ESR1: variants seen among roughly 807,000 people sequenced by gnomAD.
ESR1 encodes the protein estrogen receptor 1, also known as estrogen receptor.
Under a neutral mutation model 52.7 loss-of-function variants are expected in ESR1, and 12 were observed. The observed-to-expected ratio is 0.23, with a 90% confidence interval of 0.15 to 0.37. ESR1 has a LOEUF of 0.37. Among genes scored for constraint, ESR1 ranks in the 10% least tolerant of loss-of-function variants. ESR1 has a pLI of 1.00. For synonymous variants in ESR1, 305 were observed against 316.8 expected (o/e 0.96, Z 0.39); for missense variants, 584 against 779.7 (o/e 0.75, Z 2.99).
rs897409261 is a variant in ESR1 at position 152,101,751 on chromosome 6, C to T, written c.*2785C>T. The T allele has an allele frequency of 3.0e-5, 7 of 230,304 alleles. No individual in the cohort carries two copies. The highest frequency in any genetic ancestry group is 5.2e-5 in the Non-Finnish European group (6 of 116,356). The allele number at this position is 230,304 out of a possible 1,614,324, so 14.3% of individuals were successfully genotyped here. A position where few individuals can be genotyped will look rare whatever the true frequency, so the allele number is the denominator to read the frequency against. Reference sequence around the variant, plus strand: ...CTCAGGTATGGTGGGGAAGTGGATTCAGGAATCTGGGGAATGGCAAATATA... The same window carrying T: ...CTCAGGTATGGTGGGGAAGTGGATTTAGGAATCTGGGGAATGGCAAATATA... On this transcript the variant is annotated 3_prime_UTR_variant, in exon 8 of 8. Coordinates refer to ENST00000206249, the MANE Select transcript of ESR1 (RefSeq NM_000125.4).
chr6:151,906,499 A>G (rs1053786307), intron 3 of ESR1, among the ~76,000 whole-genome samples: 3 of 151,830 alleles, frequency 2.0e-5, no homozygotes, highest in South Asian at 2.1e-4. Context: ...ATTATTAAAA[A>G]ATAGTTGCCT....
At chr6:152,124,572 C>G (rs1432188267) in intron 6 of ESR1, among the ~76,000 whole-genome samples, 2 of 152,116 alleles carry the variant, frequency 1.3e-5, no homozygotes, top group African/African-American at 2.4e-5. Context: ...TTTTTGTCTT[C>G]TACTGATTTG....
intron 4 of ESR1, among the ~76,000 whole-genome samples, chr6:151,958,907 T>C (rs1341183295): frequency 1.3e-5 from 2 of 152,050 alleles, no homozygotes; most frequent in Non-Finnish European, 2.9e-5. Flanking sequence ...TTGCCCCTCT[T>C]TGGGATTCAA....
intron 4 of ESR1, among the ~76,000 whole-genome samples, chr6:152,001,303 G>A (rs1383604747): frequency 6.6e-6 from 1 of 151,974 alleles, no homozygotes; most frequent in Non-Finnish European, 1.5e-5. Context: ...CTCATGCTGT[G>A]TCATAACACA....
chr6:151,816,744 A>G (rs1248916481), intron 1 of ESR1, among the ~76,000 whole-genome samples: 2 of 151,988 alleles, frequency 1.3e-5, no homozygotes, highest in Non-Finnish European at 2.9e-5. Context: ...AAACAACTGT[A>G]AAAAAAACTT....
At chr6:151,711,367 G>A (rs1481783543) in intron 2 of ESR1, among the ~76,000 whole-genome samples, 9 of 151,966 alleles carry the variant, frequency 5.9e-5, no homozygotes, top group South Asian at 2.1e-4. Flanking sequence ...GACTACAGGC[G>A]CCCGCCATCA....
chr6:152,067,405 A>G (rs1224170719), intron 6 of ESR1, among the ~76,000 whole-genome samples: 1 of 152,198 alleles, frequency 6.6e-6, no homozygotes, highest in Non-Finnish European at 1.5e-5. Flanking sequence ...TCAGCACCTC[A>G]GGAGGAGAAG....
In ESR1 at chr6:152,067,456, G is replaced by A. The variant is rs74546740; in HGVS notation, c.1369+6332G>A. Reference sequence around the variant, plus strand: ...TGTCCTCAAGAGAACCAACAAAGGAGAATGCCATCTCCCAGATACTCAATT... The same window carrying A: ...TGTCCTCAAGAGAACCAACAAAGGAAAATGCCATCTCCCAGATACTCAATT... On this transcript the variant is annotated intron_variant, in intron 6 of 7. Coordinates refer to ENST00000206249, the MANE Select transcript of ESR1 (RefSeq NM_000125.4). Among the ~76,000 whole-genome samples the A allele has an allele frequency of 1.8e-4, 27 of 152,348 alleles. No individual in the cohort carries two copies. In the East Asian group the frequency reaches 4.0e-3, roughly 23 times the overall value.
At chr6:151,959,245 C>A (rs1034198287) in intron 4 of ESR1, among the ~76,000 whole-genome samples, 1 of 152,254 alleles carries the variant, frequency 6.6e-6, no homozygotes, top group African/African-American at 2.4e-5. Flanking sequence ...TGGGTTGTCT[C>A]TTCCATCTTT....
intron 3 of ESR1, among the ~76,000 whole-genome samples, chr6:151,902,299 C>T (rs1433337558): frequency 1.1e-4 from 16 of 152,128 alleles, no homozygotes. Context: ...TGATCTTGCT[C>T]TCAGGGATCA....
Position 151,808,446 on chromosome 6 carries a change from T to C in ESR1, c.452+82T>C, listed in dbSNP as rs1028416198. 8.6e-6 allele frequency: 10 copies of C among 1,163,400 alleles called. 1 individual carries two copies. The highest frequency in any genetic ancestry group is 7.6e-5 in the East Asian group (2 of 26,236). 72.1% of individuals were successfully genotyped at this position (1,163,400 alleles called of 1,614,324 possible). The stretch of plus-strand genomic sequence containing the variant: ...AGGGAGGGAGGGAGAAGGGAGAGCC[T>C]AGGGAGCTGCGGGAGCCGCGGGACG... On this transcript the variant is annotated intron_variant, in intron 1 of 7. Transcript: ENST00000206249.
intron 2 of ESR1, among the ~76,000 whole-genome samples, chr6:151,790,578 T>C (rs1776055337): frequency 6.7e-6 from 1 of 149,878 alleles, no homozygotes. Context: ...AAACGCTTCT[T>C]GCTGCTTTTT....
At chr6:152,114,805 G>A (rs2051188966) in intron 6 of ESR1, among the ~76,000 whole-genome samples, 1 of 147,524 alleles carries the variant, frequency 6.8e-6, no homozygotes. Flanking sequence ...GCAGGAGAAT[G>A]GCGTGAACCC....
chr6:151,938,028 C>T (rs1354601899), intron 3 of ESR1, among the ~76,000 whole-genome samples: 1 of 152,152 alleles, frequency 6.6e-6, no homozygotes, highest in African/African-American at 2.4e-5. Context: ...ATTAGCACTC[C>T]CGTTTTCTTT....
intron 4 of ESR1, among the ~76,000 whole-genome samples, chr6:151,966,278 T>C (rs977439039): frequency 1.3e-5 from 2 of 152,196 alleles, no homozygotes; most frequent in Non-Finnish European, 2.9e-5. Context: ...CTTATTTCTT[T>C]CATATCACTT....
At chr6:151,993,784 C>T (rs2041241141) in intron 4 of ESR1, among the ~76,000 whole-genome samples, 1 of 152,202 alleles carries the variant, frequency 6.6e-6, no homozygotes, top group South Asian at 2.1e-4. Flanking sequence ...GGTTGAGTGT[C>T]TTGCCCAAGG....
chr6:152,057,413 C>G (rs2047186262), intron 5 of ESR1, among the ~76,000 whole-genome samples: 1 of 152,070 alleles, frequency 6.6e-6, no homozygotes, highest in Admixed American at 6.6e-5. Flanking sequence ...AGTGCTTAGA[C>G]CAATTAAGTT....
intron 1 of ESR1, among the ~76,000 whole-genome samples, chr6:151,657,981 C>T (rs528816742): frequency 2.1e-4 from 32 of 152,128 alleles, no homozygotes; most frequent in Middle Eastern, 3.4e-3. Flanking sequence ...TAAGTGCATC[C>T]CAAAAAACAT....
chr6:151,844,377 C>T (rs141388330), intron 2 of ESR1, among the ~76,000 whole-genome samples: 91 of 152,184 alleles, frequency 6.0e-4, no homozygotes, highest in African/African-American at 2.0e-3. Context: ...AGTGAAAGAG[C>T]GTCTGACAGA....
Sources: gnomAD v4.1 joint callset for allele counts (sites outside exome capture counted in the v4.1 genomes callset) on GRCh38, gnomAD v4.1.1 for gene constraint, MANE v1.5 for transcripts, NCBI Gene and HGNC (gene_info 2026-07-23, HGNC 2026-07-21) for gene names.